Variants in OSBPL3 observed in about 807,000 individuals in gnomAD.
The protein encoded by OSBPL3 is oxysterol-binding protein-related protein 3.
A neutral mutation model predicts 120.1 loss-of-function variants in OSBPL3; 65 were observed. The observed-to-expected ratio is 0.54, with a 90% CI of 0.44 to 0.67. The LOEUF (loss-of-function observed/expected upper bound fraction) is 0.67. Among genes scored for constraint, OSBPL3 ranks in the 30% least tolerant of loss-of-function variants. The probability of loss-of-function intolerance (pLI) is 0.00; values close to 1 mark genes in which losing one functional copy is unlikely to be tolerated. For synonymous variants in OSBPL3, 416 were observed against 402.6 expected (o/e 1.03, Z -0.40); for missense variants, 1,004 against 1,082.1 (o/e 0.93, Z 1.01).
At chr7:24,905,854 A>G (rs1436836849) in intron 1 of OSBPL3, among the ~76,000 whole-genome samples, 1 of 152,200 alleles carries the variant, frequency 6.6e-6, no homozygotes, top group African/African-American at 2.4e-5. Flanking sequence ...AACATGGTTG[A>G]AACCCTGTCT....
At chr7:24,974,363 A>G (rs10486445) in intron 1 of OSBPL3, among the ~76,000 whole-genome samples, 44,589 of 152,178 alleles carry the variant, frequency 0.29, 7,320 homozygotes, top group Non-Finnish European at 0.39. Context: ...TCAAATCAGT[A>G]GGTAAACCAT....
rs1403708172 is a variant in OSBPL3, at chr7:24,822,059, G to A, written c.1885-1821C>T. 6.6e-6 allele frequency among the ~76,000 whole-genome samples: 1 copy of A among 151,930 alleles called. No individual in the cohort carries two copies. The highest frequency in any genetic ancestry group is 2.4e-5 in the African/African-American group (1 of 41,362). ...CGGCTAATTTTTTCACTTTTTGTAG[G>A]GATGGGGTCATGCTATGTTGCCCAG... On this transcript the variant is annotated intron_variant, in intron 16 of 22. Transcript: ENST00000313367. This position sits in a 1 kb window ranked among gnomAD's most constrained non-coding sequence, Gnocchi z 5.8.
In OSBPL3 at chr7:24,854,932, C is replaced by T. The variant is rs1428509774; in HGVS notation, c.1028-2298G>A. On this transcript the variant is annotated intron_variant, in intron 10 of 22. Coordinates refer to ENST00000313367, the MANE Select transcript of OSBPL3 (RefSeq NM_015550.4). This position sits in a 1 kb window ranked among gnomAD's most constrained non-coding sequence, Gnocchi z 4.1. The stretch of plus-strand genomic sequence containing the variant: ...TGTTACTGCAATATCATAGTGATAC[C>T]GATGAAGGAGACACATGAGGATGAA... 6.6e-6 allele frequency among the ~76,000 whole-genome samples: 1 copy of T among 152,126 alleles called. No homozygotes were observed. Among genetic ancestry groups the T allele is most frequent in the Non-Finnish European group, 1.5e-5 (1 of 68,022 alleles).
chr7:24,888,380 G>GGA (rs1804842617), intron 2 of OSBPL3, among the ~76,000 whole-genome samples: 1 of 152,200 alleles, frequency 6.6e-6, no homozygotes, highest in African/African-American at 2.4e-5. Context: ...ACTGAGGTTT[G>GGA]GAGAGTTTAA....
intron 19 of OSBPL3, 43 bp from the exon 20 acceptor site, chr7:24,809,994 C>G (rs1417738829): frequency 6.2e-7 from 1 of 1,605,206 alleles, no homozygotes; most frequent in South Asian, 1.1e-5. Flanking sequence ...TTAGCATCAG[C>G]TTATTACAGA....
intron 1 of OSBPL3, among the ~76,000 whole-genome samples, chr7:24,915,783 G>T (rs1404760932): frequency 6.6e-6 from 1 of 152,000 alleles, no homozygotes; most frequent in Non-Finnish European, 1.5e-5. Flanking sequence ...CATGATGTTG[G>T]CCAGACTGGT....
Position 24,863,361 on chromosome 7 carries a change from G to T in OSBPL3, c.778-69C>A. The T allele has an allele frequency of 7.0e-7, 1 of 1,432,940 alleles. No individual in the cohort carries two copies. The highest frequency in any genetic ancestry group is 9.9e-7 in the Non-Finnish European group (1 of 1,014,962). The allele number at this position is 1,432,940 out of a possible 1,614,324, so 88.8% of individuals were successfully genotyped here. ...CCAAACCGACAAGGATAAATGCATAGCAAAGTGACCACCTCCATCCCCTTG... is the reference window on the plus strand; with the variant it reads ...CCAAACCGACAAGGATAAATGCATATCAAAGTGACCACCTCCATCCCCTTG... On this transcript the variant is annotated intron_variant, in intron 8 of 22. Coordinates refer to ENST00000313367, the MANE Select transcript of OSBPL3 (RefSeq NM_015550.4). The surrounding 1 kb of genome is among the most constrained non-coding windows in gnomAD (Gnocchi z 5.8).
Position 24,830,878 on chromosome 7 carries a change from C to T in OSBPL3, c.1774G>A (p.Ala592Thr). The T allele has an allele frequency of 6.2e-7, 1 of 1,612,840 alleles. No homozygotes were observed. The highest frequency in any genetic ancestry group is 1.1e-5 in the South Asian group (1 of 90,638). Reference protein sequence around the residue: ...MVYVAAFAISAYASSYYRAGS... With the variant: ...MVYVAAFAISTYASSYYRAGS... ...GCTCGGTAGTAGCTAGATGCATACG[C>T]TGATATGGCAAAGGCTGCCACATAT... is the stretch of plus-strand genomic sequence containing the variant. Residue 592 changes from alanine (A) to threonine (T), a missense_variant, in exon 16 of 23, where the codon GCG becomes ACG. Transcript: ENST00000313367. This position sits in a 1 kb window ranked among gnomAD's most constrained non-coding sequence, Gnocchi z 4.4.
At chr7:24,874,180 A>G (rs770304190) in intron 2 of OSBPL3, among the ~76,000 whole-genome samples, 3 of 152,242 alleles carry the variant, frequency 2.0e-5, no homozygotes, top group Non-Finnish European at 4.4e-5. Context: ...TGTGCCCAGT[A>G]TCTTTGAGCC....
Position 24,898,069 on chromosome 7 carries a change from A to G in OSBPL3, c.-149-5448T>C, listed in dbSNP as rs1382441233. ...GGGATATCTATTTCTGGTCTTTAAT[A>G]AAATAAAATTATTCAAATCCAAGTT... On this transcript the variant is annotated intron_variant, in intron 1 of 22. Coordinates refer to ENST00000313367, the MANE Select transcript of OSBPL3 (RefSeq NM_015550.4). The surrounding 1 kb of genome is among the most constrained non-coding windows in gnomAD (Gnocchi z 4.3). Among the ~76,000 whole-genome samples, 1 of 152,258 alleles carries G rather than the reference A, an allele frequency of 6.6e-6. No homozygotes were observed. The highest frequency in any genetic ancestry group is 1.5e-5 in the Non-Finnish European group (1 of 68,038).
rs552498241 is a variant in OSBPL3 at position 24,878,497 on chromosome 7, C to T, written c.97-6428G>A. On this transcript the variant is annotated intron_variant, in intron 2 of 22. Transcript: ENST00000313367. ...TCCACGGCCTATTAAGAAAGGCTAA[C>T]GATCATCAATATTACCTTTTATGAT... Among the ~76,000 whole-genome samples the T allele has an allele frequency of 2.0e-5, 3 of 152,216 alleles. No individual in the cohort carries two copies. In the East Asian group the frequency reaches 5.8e-4, roughly 29 times the overall value.
intron 1 of OSBPL3, among the ~76,000 whole-genome samples, chr7:24,979,582 C>T (rs1004879538): frequency 3.3e-5 from 5 of 152,136 alleles, no homozygotes; most frequent in African/African-American, 1.2e-4. Flanking sequence ...GCCGCGTCCT[C>T]CCGCACCTGC....
At chr7:24,868,570 T>C (rs556451806) in intron 5 of OSBPL3, among the ~76,000 whole-genome samples, 1 of 152,216 alleles carries the variant, frequency 6.6e-6, no homozygotes, top group South Asian at 2.1e-4. Flanking sequence ...AGAGCTAGGA[T>C]ATGCAAATAA....
At chr7:24,850,437 T>A (rs1408014123) in intron 11 of OSBPL3, among the ~76,000 whole-genome samples, 1 of 152,220 alleles carries the variant, frequency 6.6e-6, no homozygotes. Flanking sequence ...TCTTTCTGAC[T>A]CTTTTCTAAG....
chr7:24,871,943 C>A lies in OSBPL3; in HGVS notation c.213+10G>T. ...AGTGCAAATAAAGGGGAGGCCAAGA[C>A]CAACCTTACCTTATGCCAGCCTTTT... On this transcript the variant is annotated intron_variant, in intron 3 of 22. Transcript: ENST00000313367. This position sits in a 1 kb window ranked among gnomAD's most constrained non-coding sequence, Gnocchi z 4.8. 1 of 1,597,488 alleles carries A rather than the reference C, an allele frequency of 6.3e-7. No homozygotes were observed. Among genetic ancestry groups the A allele is most frequent in the Non-Finnish European group, 8.6e-7 (1 of 1,165,158 alleles).
At chr7:24,943,935 G>A (rs919040207) in intron 1 of OSBPL3, among the ~76,000 whole-genome samples, 3 of 152,088 alleles carry the variant, frequency 2.0e-5, no homozygotes, top group Non-Finnish European at 4.4e-5. Flanking sequence ...ACACAAACTG[G>A]AAGAGACAAT....
Position 24,830,651 on chromosome 7 carries a change from G to A in OSBPL3, c.1884+117C>T. On this transcript the variant is annotated intron_variant, in intron 16 of 22. Transcript: ENST00000313367. This position sits in a 1 kb window ranked among gnomAD's most constrained non-coding sequence, Gnocchi z 4.4. ...CCCTCCCTTTATGTTGAAAAGCACT[G>A]TAATTATCTCGGCTGCTTTGAAGCC... is the stretch of plus-strand genomic sequence containing the variant. 1 of 1,033,180 alleles carries A rather than the reference G, an allele frequency of 9.7e-7. No homozygotes were observed. The highest frequency in any genetic ancestry group is 2.5e-5 in the East Asian group (1 of 40,076). 64.0% of individuals were successfully genotyped at this position (1,033,180 alleles called of 1,614,324 possible).
intron 2 of OSBPL3, among the ~76,000 whole-genome samples, chr7:24,889,863 GAC>G (rs1396129448): frequency 6.6e-6 from 1 of 152,232 alleles, no homozygotes; most frequent in Non-Finnish European, 1.5e-5. Context: ...TGAGAAGGGA[GAC>G]ACAGCCTCAC....
rs1799352615 is a variant in OSBPL3, at chr7:24,852,944, G to A, written c.1028-310C>T. Among the ~76,000 whole-genome samples the A allele has an allele frequency of 6.6e-6, 1 of 152,096 alleles. No individual in the cohort carries two copies. The highest frequency in any genetic ancestry group is 6.5e-5 in the Admixed American group (1 of 15,270). On this transcript the variant is annotated intron_variant, in intron 10 of 22. Coordinates refer to ENST00000313367, the MANE Select transcript of OSBPL3 (RefSeq NM_015550.4). This position sits in a 1 kb window ranked among gnomAD's most constrained non-coding sequence, Gnocchi z 4.1. ...ACATGGGAGCAGGGGGCTTATAAAAGCTCTGCACTTTTGGTTCAATTTTGC... is the reference window on the plus strand; with the variant it reads ...ACATGGGAGCAGGGGGCTTATAAAAACTCTGCACTTTTGGTTCAATTTTGC...
Sources: allele counts gnomAD v4.1 joint callset (sites outside exome capture counted in the v4.1 genomes callset), GRCh38; gene constraint gnomAD v4.1.1; non-coding constraint Gnocchi (gnomAD v3.1); transcripts MANE v1.5; gene names NCBI Gene and HGNC (gene_info 2026-07-23, HGNC 2026-07-21).